The following DPYD variants were observed in gnomAD, a reference collection of about 807,000 sequenced individuals.
The protein encoded by DPYD is dihydropyrimidine dehydrogenase.
Under a neutral mutation model 116.2 loss-of-function variants are expected in DPYD, and 109 were observed. The observed-to-expected ratio is 0.94, with a 90% CI of 0.80 to 1.10. The LOEUF (loss-of-function observed/expected upper bound fraction) is 1.10. DPYD is among the 50% of genes least tolerant of loss of function. The pLI is 0.00. For synonymous variants in DPYD, 440 were observed against 432.0 expected, an observed-to-expected ratio of 1.02 and a Z score of -0.23; for missense variants, 1,302 against 1,254.5, an observed-to-expected ratio of 1.04 and a Z score of -0.57.
intron 16 of DPYD, among the ~76,000 whole-genome samples, chr1:97,307,260 T>A (rs922679988): frequency 2.0e-5 from 3 of 151,932 alleles, no homozygotes; most frequent in Non-Finnish European, 2.9e-5. Flanking sequence ...CTTGGTAATA[T>A]TATCTTAGCA....
rs534906212 is a variant in DPYD, at chr1:97,566,753, T to A, written c.1339+7007A>T. Among the ~76,000 whole-genome samples the A allele has an allele frequency of 3.9e-5, 6 of 152,272 alleles. 1 individual carries two copies. The highest frequency in any genetic ancestry group is 1.4e-4 in the African/African-American group (6 of 41,556). On this transcript the variant is annotated intron_variant, in intron 11 of 22. Coordinates refer to ENST00000370192, the MANE Select transcript of DPYD (RefSeq NM_000110.4). ...GTAAGCTGAAGGTCATAAAGAGTGG[T>A]TAGTTGTTCAAAGAAAATTTTGCCA...
chr1:97,834,197 T>C (rs1669658671), intron 2 of DPYD, among the ~76,000 whole-genome samples: 1 of 152,026 alleles, frequency 6.6e-6, no homozygotes, highest in South Asian at 2.1e-4. Flanking sequence ...GCATCTTAAG[T>C]TCAAACATCA....
chr1:97,458,609 G>A (rs572282951), intron 13 of DPYD, among the ~76,000 whole-genome samples: 4 of 152,280 alleles, frequency 2.6e-5, no homozygotes, highest in South Asian at 4.1e-4. Flanking sequence ...GACTGAGCAC[G>A]TTGTTAGGTA....
intron 12 of DPYD, among the ~76,000 whole-genome samples, chr1:97,520,645 G>A (rs1648579079): frequency 2.0e-5 from 3 of 151,678 alleles, no homozygotes; most frequent in Admixed American, 2.0e-4. Flanking sequence ...TCCCCAACAG[G>A]CCCCAATGTG....
intron 12 of DPYD, among the ~76,000 whole-genome samples, chr1:97,529,368 T>A (rs1193477808): frequency 6.6e-6 from 1 of 152,154 alleles, no homozygotes; most frequent in African/African-American, 2.4e-5. Context: ...CTTTCTTTTT[T>A]AAAAAAAGTA....
intron 18 of DPYD, among the ~76,000 whole-genome samples, chr1:97,289,218 C>A (rs558001197): frequency 6.6e-6 from 1 of 151,950 alleles, no homozygotes; most frequent in Admixed American, 6.6e-5. Context: ...CAAAAAGAGT[C>A]CAGGACCAGA....
At chr1:97,841,649 C>T (rs1466621250) in intron 2 of DPYD, among the ~76,000 whole-genome samples, 1 of 151,888 alleles carries the variant, frequency 6.6e-6, no homozygotes, top group Non-Finnish European at 1.5e-5. Flanking sequence ...AACCAGTTTC[C>T]TGAACCTGAC....
At chr1:97,188,350 T>G (rs908528035) in intron 20 of DPYD, among the ~76,000 whole-genome samples, 1 of 152,198 alleles carries the variant, frequency 6.6e-6, no homozygotes, top group Non-Finnish European at 1.5e-5. Flanking sequence ...CTGCTGCTGT[T>G]CTTAAAAGGA....
intron 13 of DPYD, among the ~76,000 whole-genome samples, chr1:97,468,466 C>G (rs1429079551): frequency 1.3e-5 from 2 of 152,090 alleles, no homozygotes; most frequent in African/African-American, 2.4e-5. Flanking sequence ...TGTGAGGACA[C>G]AGGTAGAGGG....
At chr1:97,623,006 G>A (rs536340619) in intron 8 of DPYD, among the ~76,000 whole-genome samples, 2 of 152,188 alleles carry the variant, frequency 1.3e-5, no homozygotes, top group Non-Finnish European at 2.9e-5. Flanking sequence ...CAGATGCAAA[G>A]ACTTCAGGCA....
chr1:97,644,153 G>A (rs1428444795), intron 8 of DPYD, among the ~76,000 whole-genome samples: 1 of 151,880 alleles, frequency 6.6e-6, no homozygotes, highest in Non-Finnish European at 1.5e-5. Flanking sequence ...TCACTGCAAT[G>A]GTTTTCTACA....
rs549240333 is a variant in DPYD at position 97,777,834 on chromosome 1, C to T, written c.234-37355G>A. On this transcript the variant is annotated intron_variant, in intron 3 of 22. Coordinates refer to ENST00000370192, the MANE Select transcript of DPYD (RefSeq NM_000110.4). ...CATGTGGCAAATAAATGCGACAACC[C>T]TCAAGTTTTTCTCTTAAGATTACAT... 8.6e-5 allele frequency among the ~76,000 whole-genome samples: 13 copies of T among 151,990 alleles called. No homozygotes were observed. In the South Asian group the frequency reaches 2.7e-3, roughly 32 times the overall value.
intron 16 of DPYD, among the ~76,000 whole-genome samples, chr1:97,349,682 A>G (rs12047456): frequency 6.6e-6 from 1 of 151,950 alleles, no homozygotes; most frequent in Non-Finnish European, 1.5e-5. Flanking sequence ...GAACTCATCA[A>G]TTTTTATGGC....
rs773584401 is a variant in DPYD, at chr1:97,193,199, C to A, written c.2492G>T (p.Cys831Phe). ...NQDFTVIEDYCTGLKALLYLK... is the reference protein window; with the variant it reads ...NQDFTVIEDYFTGLKALLYLK... ...ATAAAGCAGGGCTTTGAGGCCAGTG[C>A]AGTAGTCTTCGATCACAGTGAAATC... Residue 831 changes from cysteine to phenylalanine, a missense_variant, in exon 20 of 23, where the codon TGC becomes TTC. Coordinates refer to ENST00000370192, the MANE Select transcript of DPYD (RefSeq NM_000110.4). 6.2e-7 allele frequency: 1 copy of A among 1,613,912 alleles called. No homozygotes were observed. The highest frequency in any genetic ancestry group is 8.5e-7 in the Non-Finnish European group (1 of 1,179,938).
intron 11 of DPYD, among the ~76,000 whole-genome samples, chr1:97,550,690 GC>G (rs1296236133): frequency 6.6e-6 from 1 of 152,066 alleles, no homozygotes; most frequent in African/African-American, 2.4e-5. Flanking sequence ...CAGACTAAGG[GC>G]CTTATTCTTT....
At chr1:97,525,902 G>A (rs1227499236) in intron 12 of DPYD, among the ~76,000 whole-genome samples, 1 of 148,934 alleles carries the variant, frequency 6.7e-6, no homozygotes, top group Non-Finnish European at 1.5e-5. Flanking sequence ...GCGCGTGTGT[G>A]TGTGTGTGTG....
Position 97,193,197 on chromosome 1 carries a change from T to C in DPYD, c.2494A>G (p.Thr832Ala), listed in dbSNP as rs1218404593. Residue 832 changes from threonine to alanine, a missense_variant, in exon 20 of 23, where the codon ACT (threonine) becomes GCT (alanine). Thr to Ala is a moderately conservative substitution (Grantham distance 58). Coordinates refer to ENST00000370192, the MANE Select transcript of DPYD (RefSeq NM_000110.4). The part of the protein sequence containing the change: ...QDFTVIEDYC[T>A]GLKALLYLKS... ...AGATAAAGCAGGGCTTTGAGGCCAGTGCAGTAGTCTTCGATCACAGTGAAA... is the reference window on the plus strand; with the variant it reads ...AGATAAAGCAGGGCTTTGAGGCCAGCGCAGTAGTCTTCGATCACAGTGAAA... 6.2e-7 allele frequency: 1 copy of C among 1,613,976 alleles called. No individual in the cohort carries two copies. Among genetic ancestry groups the C allele is most frequent in the Non-Finnish European group, 8.5e-7 (1 of 1,179,946 alleles).
chr1:97,862,539 T>G lies in DPYD; in HGVS notation c.150+20725A>C, dbSNP rs547369090. ...CCAGTCAACAACTCTTACTTCTCCC[T>G]ATTTTATATTCACCAGTATCTAAAA... On this transcript the variant is annotated intron_variant, in intron 2 of 22. Transcript: ENST00000370192. Among the ~76,000 whole-genome samples, 3 of 152,074 alleles carry G rather than the reference T, an allele frequency of 2.0e-5. No homozygotes were observed. In the South Asian group the frequency reaches 6.2e-4, roughly 31 times the overall value.
intron 4 of DPYD, among the ~76,000 whole-genome samples, chr1:97,727,717 T>TTG (rs1663351376): frequency 6.6e-6 from 1 of 151,784 alleles, no homozygotes; most frequent in South Asian, 2.1e-4. Context: ...GATAACTCCA[T>TTG]TGTTTAGGGA....
Sources: allele counts gnomAD v4.1 joint callset (sites outside exome capture counted in the v4.1 genomes callset), GRCh38; gene constraint gnomAD v4.1.1; transcripts MANE v1.5; gene names NCBI Gene and HGNC (gene_info 2026-07-23, HGNC 2026-07-21).